TARBP2: variants seen among roughly 807,000 people sequenced by gnomAD.
TARBP2 encodes RISC-loading complex subunit TARBP2.
TARBP2 carries 23 observed loss-of-function variants against 40.4 expected under a neutral mutation model. The observed-to-expected ratio is 0.57, with a 90% CI of 0.41 to 0.81. The LOEUF (loss-of-function observed/expected upper bound fraction) is 0.81, where lower values mean the gene tolerates loss of function less well. Ranked by LOEUF, TARBP2 falls within the 30% of genes least tolerant of loss-of-function variation. The pLI, the probability that TARBP2 is intolerant of heterozygous loss-of-function variation, is 0.00. For missense variants in TARBP2, 358 were observed against 473.7 expected (o/e 0.76, Z 2.27); for synonymous variants, 183 against 190.5 (o/e 0.96, Z 0.32).
Position 53,505,663 on chromosome 12 carries a change from C to T in TARBP2, c.756C>T (p.Arg252=), listed in dbSNP as rs748374345. Residue 252 remains arginine, a synonymous_variant, in exon 8 of 9, where the codon CGC becomes CGT. Coordinates refer to ENST00000266987, the MANE Select transcript of TARBP2 (RefSeq NM_134323.2). This position sits in a 1 kb window ranked among gnomAD's most constrained non-coding sequence, Gnocchi z 4.5. ...DDHFSIGVGS[R]LDGLRNRGPG... ...CATCTTGACAGGGTGTGGGCTCCCG[C>T]CTGGATGGTCTTCGAAACCGGGGCC... 2 of 1,614,020 alleles carry T rather than the reference C, an allele frequency of 1.2e-6. No individual in the cohort carries two copies. Among genetic ancestry groups the T allele is most frequent in the South Asian group, 2.2e-5 (2 of 91,064 alleles).
intron 4 of TARBP2, chr12:53,504,180 TG>T: frequency 3.5e-6 from 2 of 565,426 alleles, no homozygotes. Flanking sequence ...AGAATGGAAA[TG>T]GGCTGGGGCC....
At chr12:53,503,211 A>G (rs1365060442) in intron 3 of TARBP2, 82 bp downstream of exon 3, 6 of 1,453,548 alleles carry the variant, frequency 4.1e-6, no homozygotes, top group Non-Finnish European at 4.6e-6. Flanking sequence ...AGGCCTGGCC[A>G]GGTGACACTT....
At chr12:53,504,507 C>T (rs1943871018) in intron 5 of TARBP2, 38 bp downstream of exon 5, 2 of 1,606,946 alleles carry the variant, frequency 1.2e-6, no homozygotes, top group Non-Finnish European at 1.7e-6. Flanking sequence ...TGCCTGTCTT[C>T]CCTTGAGCCA....
chr12:53,502,423 T>C (rs1943756877), intron 2 of TARBP2: 1 of 544,452 alleles, frequency 1.8e-6, no homozygotes, highest in African/African-American at 1.9e-5. Flanking sequence ...CCCATCACCC[T>C]AGAGGAAAAG....
chr12:53,504,819 A>G lies in TARBP2; in HGVS notation c.613+4A>G. 1 of 1,613,712 alleles carries G rather than the reference A, an allele frequency of 6.2e-7. No homozygotes were observed. The highest frequency in any genetic ancestry group is 1.1e-5 in the South Asian group (1 of 91,070). On this transcript the variant is annotated splice_donor_region_variant and intron_variant, in intron 6 of 8. Transcript: ENST00000266987. ...GTGGAGCGTTTCATTGAGATTGGTA[A>G]CTGGGCAAGAAGGGGTTCTCACAAC... is the stretch of plus-strand genomic sequence containing the variant.
At position 53,506,384 on chromosome 12, in the gene TARBP2, G is replaced by A. The variant is rs1943988810; in HGVS notation, c.*236G>A. The A allele has an allele frequency of 3.5e-6, 2 of 569,322 alleles. No homozygotes were observed. The highest frequency in any genetic ancestry group is 2.9e-5 in the East Asian group (1 of 34,748). 35.3% of individuals were successfully genotyped at this position (569,322 alleles called of 1,614,324 possible). A position where few individuals can be genotyped will look rare whatever the true frequency, so the allele number is the denominator to read the frequency against. On this transcript the variant is annotated 3_prime_UTR_variant, in exon 9 of 9. Coordinates refer to ENST00000266987, the MANE Select transcript of TARBP2 (RefSeq NM_134323.2). ...TGATGAATGGGAATGAAATCAGGGG[G>A]CTGTCTACTAGAGCCTGGAATAAAT...
Position 53,506,192 on chromosome 12 carries a change from CT to C in TARBP2, c.*47del. The C allele has an allele frequency of 6.3e-7, 1 of 1,594,550 alleles. No individual in the cohort carries two copies. Among genetic ancestry groups the C allele is most frequent in the Non-Finnish European group, 8.6e-7 (1 of 1,168,406 alleles). On this transcript the variant is annotated 3_prime_UTR_variant, in exon 9 of 9. Transcript: ENST00000266987. ...GGATGTGCACCCTTTGCTCCCTGCT[CT>C]TTCTGCCTCTGGGCTCATGTATCTG...
chr12:53,501,102 C>G, upstream of TARBP2: 1 of 445,346 alleles, frequency 2.2e-6, no homozygotes, highest in East Asian at 4.3e-5. Context: ...AGGAAGGAGG[C>G]GGGACGGTAT....
chr12:53,505,884 TG>T lies in TARBP2; in HGVS notation c.943+39del. On this transcript the variant is annotated intron_variant, in intron 8 of 8. Transcript: ENST00000266987. This position sits in a 1 kb window ranked among gnomAD's most constrained non-coding sequence, Gnocchi z 4.5. ...AGCTGGGGAGCGAGCCAGGGGATGGTGGGGGCTGGACCGGAGCAAGTAGAAG... is the reference window on the plus strand; with the variant it reads ...AGCTGGGGAGCGAGCCAGGGGATGGTGGGGCTGGACCGGAGCAAGTAGAAG... The T allele has an allele frequency of 6.2e-7, 1 of 1,609,522 alleles. No individual in the cohort carries two copies.
rs1156803041 is a variant in TARBP2, at chr12:53,505,313, C to T, written c.741+51C>T. 2 of 1,537,908 alleles carry T rather than the reference C, an allele frequency of 1.3e-6. No individual in the cohort carries two copies. Among genetic ancestry groups the T allele is most frequent in the East Asian group, 2.3e-5 (1 of 43,852 alleles). ...CCGTGGCCCATCCTCCATGCCAGGG[C>T]AGGGCTCCAGGGACTTGGGTCTGTG... On this transcript the variant is annotated intron_variant, in intron 7 of 8. Coordinates refer to ENST00000266987, the MANE Select transcript of TARBP2 (RefSeq NM_134323.2). This position sits in a 1 kb window ranked among gnomAD's most constrained non-coding sequence, Gnocchi z 4.5.
chr12:53,505,028 C>T lies in TARBP2; in HGVS notation c.614-107C>T. Reference sequence around the variant, plus strand: ...ACGTGCATGGGCAGGTCTTGAGTTCCCCTTTCCAGTTGACATTCTGGGGGG... The same window carrying T: ...ACGTGCATGGGCAGGTCTTGAGTTCTCCTTTCCAGTTGACATTCTGGGGGG... On this transcript the variant is annotated intron_variant, in intron 6 of 8. Coordinates refer to ENST00000266987, the MANE Select transcript of TARBP2 (RefSeq NM_134323.2). This position sits in a 1 kb window ranked among gnomAD's most constrained non-coding sequence, Gnocchi z 4.5. The T allele has an allele frequency of 6.6e-7, 1 of 1,524,798 alleles. No individual in the cohort carries two copies. The highest frequency in any genetic ancestry group is 8.8e-7 in the Non-Finnish European group (1 of 1,129,962). The allele number at this position is 1,524,798 out of a possible 1,614,324, so 94.5% of individuals were successfully genotyped here.
At chr12:53,504,983 C>G in intron 6 of TARBP2, 152 bp from the exon 7 acceptor site, 1 of 1,453,392 alleles carries the variant, frequency 6.9e-7, no homozygotes, top group Non-Finnish European at 9.4e-7. Flanking sequence ...GTCCCCTTCT[C>G]TCTGGCTGAC....
At chr12:53,502,796 G>A (rs1943778254) in intron 2 of TARBP2, 1 of 406,444 alleles carries the variant, frequency 2.5e-6, no homozygotes, top group African/African-American at 2.1e-5. Context: ...TCCACCCAAG[G>A]CGTTTGAGCT....
rs775368806 is a variant in TARBP2 at position 53,504,703 on chromosome 12, G to C, written c.501G>C (p.Leu167=). Residue 167 remains leucine (L), a synonymous_variant, in exon 6 of 9, where the codon CTG becomes CTC. Coordinates refer to ENST00000266987, the MANE Select transcript of TARBP2 (RefSeq NM_134323.2). ...CCCTGTGTCTCCCTTCCAAGGAGCT[G>C]GTGGTGCAGAAAGGCTGGCGGTTGC... ...ECNPVGALQE[L]VVQKGWRLPE... 2.5e-6 allele frequency: 4 copies of C among 1,614,066 alleles called. No homozygotes were observed. The highest frequency in any genetic ancestry group is 2.2e-5 in the South Asian group (2 of 91,090).
At chr12:53,501,699 A>T in intron 1 of TARBP2, 2 of 1,433,552 alleles carry the variant, frequency 1.4e-6, no homozygotes, top group Non-Finnish European at 1.8e-6. Context: ...CCCCACATTC[A>T]GTGCATTTGG....
chr12:53,501,598 C>T, intron 1 of TARBP2, 137 bp downstream of exon 1: 1 of 1,479,976 alleles, frequency 6.8e-7, no homozygotes, highest in Non-Finnish European at 9.0e-7. Flanking sequence ...TGGTTCCCGG[C>T]GTGCACCGGG....
intron 2 of TARBP2, 98 bp from the exon 3 acceptor site, chr12:53,502,929 A>C: frequency 7.6e-7 from 1 of 1,320,826 alleles, no homozygotes; most frequent in Non-Finnish European, 1.0e-6. Flanking sequence ...AAGGGGCTTG[A>C]TTGATTCCCT....
At chr12:53,503,163 T>G in intron 3 of TARBP2, 34 bp downstream of exon 3, 1 of 1,526,390 alleles carries the variant, frequency 6.6e-7, no homozygotes, top group East Asian at 2.5e-5. Flanking sequence ...CAGAAGCCCT[T>G]CAAGGAACCC....
intron 1 of TARBP2, 75 bp downstream of exon 1, chr12:53,501,536 G>A: frequency 6.5e-7 from 1 of 1,545,630 alleles, no homozygotes; most frequent in Non-Finnish European, 8.7e-7. Flanking sequence ...CGCGGCCCCA[G>A]CATGCACCTG....
Sources: allele counts gnomAD v4.1 joint callset, GRCh38; gene constraint gnomAD v4.1.1; non-coding constraint Gnocchi (gnomAD v3.1); transcripts MANE v1.5; gene names NCBI Gene and HGNC (gene_info 2026-07-23, HGNC 2026-07-21).